The following FAM78A variants were observed in gnomAD, a reference collection of about 807,000 sequenced individuals.
The protein encoded by FAM78A is family with sequence similarity 78 member A, also known as protein FAM78A.
A neutral mutation model predicts 22.6 loss-of-function variants in FAM78A; 12 were observed. The observed-to-expected ratio is 0.53, with a 90% CI of 0.34 to 0.86. The LOEUF is 0.86. Ranked by LOEUF, FAM78A falls within the 40% of genes least tolerant of loss-of-function variation. The pLI, the probability that FAM78A is intolerant of heterozygous loss-of-function variation, is 0.02. For missense variants in FAM78A, 322 were observed against 396.1 expected (o/e 0.81, Z 1.59); for synonymous variants, 151 against 155.8 (o/e 0.97, Z 0.23).
At position 131,260,507 on chromosome 9, in the gene FAM78A, A is replaced by T. The variant is rs1835249121; in HGVS notation, c.*315T>A. ...CCCAAAAGAGGAGTTTTTTTAAAAA[A>T]CGGAAAAAGCAGTGTTTCAGGGAAT... On this transcript the variant is annotated 3_prime_UTR_variant, in exon 2 of 2. Transcript: ENST00000372271. The surrounding 1 kb of genome is among the most constrained non-coding windows in gnomAD (Gnocchi z 5.4). 2 of 241,510 alleles carry T rather than the reference A, an allele frequency of 8.3e-6. No homozygotes were observed. The highest frequency in any genetic ancestry group is 1.6e-5 in the Non-Finnish European group (2 of 126,384). The allele number at this position is 241,510 out of a possible 1,614,324, so 15.0% of individuals were successfully genotyped here. A position where few individuals can be genotyped will look rare whatever the true frequency, so the allele number is the denominator to read the frequency against.
At position 131,261,110 on chromosome 9, in the gene FAM78A, G is replaced by A. The variant is rs768623358; in HGVS notation, c.564C>T (p.Ser188=). 38 of 1,614,070 alleles carry A rather than the reference G, an allele frequency of 2.4e-5. No homozygotes were observed. Among genetic ancestry groups the A allele is most frequent in the Non-Finnish European group, 3.1e-5 (37 of 1,180,018 alleles). The change falls in exon 2 of 2, where the codon AGC becomes AGT. Residue 188 remains serine, a synonymous_variant. Coordinates refer to ENST00000372271, the MANE Select transcript of FAM78A (RefSeq NM_033387.4). This position sits in a 1 kb window ranked among gnomAD's most constrained non-coding sequence, Gnocchi z 7.1. Reference sequence around the variant, plus strand: ...TGGTGGCCACCAGCCAGGTGGTGAAGCTCTGGTCCCGGTAGATATTGGTGA... The same window carrying A: ...TGGTGGCCACCAGCCAGGTGGTGAAACTCTGGTCCCGGTAGATATTGGTGA... ...AKLTNIYRDQ[S]FTTWLVATNT...
rs1223895831 is a variant in FAM78A at position 131,260,643 on chromosome 9, T to G, written c.*179A>C. On this transcript the variant is annotated 3_prime_UTR_variant, in exon 2 of 2. Transcript: ENST00000372271. The surrounding 1 kb of genome is among the most constrained non-coding windows in gnomAD (Gnocchi z 5.4). ...GTCCTGCTTAGATCTCCCCTCTCCC[T>G]GAAAGGAAGCAGGTGCCGAGAGCCG... 2 of 642,336 alleles carry G rather than the reference T, an allele frequency of 3.1e-6. No homozygotes were observed. Among genetic ancestry groups the G allele is most frequent in the East Asian group, 6.1e-5 (2 of 32,774 alleles). 39.8% of individuals were successfully genotyped at this position (642,336 alleles called of 1,614,324 possible).
intron 1 of FAM78A, among the ~76,000 whole-genome samples, chr9:131,273,196 C>T (rs890903972): frequency 3.9e-5 from 6 of 152,216 alleles, no homozygotes; most frequent in African/African-American, 9.7e-5. Context: ...ACTGGCCTCT[C>T]GCTGAATCCT....
At chr9:131,281,024 G>C (rs1835539635), upstream of FAM78A, among the ~76,000 whole-genome samples, 1 of 152,164 alleles carries the variant, frequency 6.6e-6, no homozygotes, top group African/African-American at 2.4e-5. Context: ...GCTCTCACCA[G>C]CATTCCTTGC....
At chr9:131,270,792 T>G (rs535262278) in intron 1 of FAM78A, among the ~76,000 whole-genome samples, 2 of 152,318 alleles carry the variant, frequency 1.3e-5, no homozygotes, top group South Asian at 4.1e-4. Context: ...CCAGATCTGC[T>G]GGCGCTGAGC....
intron 1 of FAM78A, chr9:131,264,455 G>A: frequency 1.6e-6 from 1 of 640,892 alleles, no homozygotes; most frequent in Non-Finnish European, 2.9e-6. Context: ...TCCACTGTCA[G>A]CCCCAGCTAC....
At position 131,275,428 on chromosome 9, in the gene FAM78A, T is replaced by C. The variant is rs1043918422; in HGVS notation, c.323+429A>G. ...GCCCTGAACACACCGGTCTGGGAGT[T>C]GCAGAGTGCCTGAATGTCTGCCATG... On this transcript the variant is annotated intron_variant, in intron 1 of 1. Coordinates refer to ENST00000372271, the MANE Select transcript of FAM78A (RefSeq NM_033387.4). The surrounding 1 kb of genome is among the most constrained non-coding windows in gnomAD (Gnocchi z 4.6). 6.6e-6 allele frequency among the ~76,000 whole-genome samples: 1 copy of C among 152,244 alleles called. No individual in the cohort carries two copies. The highest frequency in any genetic ancestry group is 2.4e-5 in the African/African-American group (1 of 41,472).
chr9:131,264,520 C>T (rs1007523936), intron 1 of FAM78A: 17 of 710,182 alleles, frequency 2.4e-5, no homozygotes, highest in Non-Finnish European at 4.2e-5. Flanking sequence ...TTCAGCAGCC[C>T]ACAGACAATC....
rs544181650 is a variant in FAM78A, at chr9:131,274,252, G to A, written c.323+1605C>T. On this transcript the variant is annotated intron_variant, in intron 1 of 1. Coordinates refer to ENST00000372271, the MANE Select transcript of FAM78A (RefSeq NM_033387.4). This position sits in a 1 kb window ranked among gnomAD's most constrained non-coding sequence, Gnocchi z 4.2. The stretch of plus-strand genomic sequence containing the variant: ...GAGTGCTCATGTCTTTCCAAGTTCA[G>A]AAGAACCCACTGGCTTCCTTACCCC... Among the ~76,000 whole-genome samples the A allele has an allele frequency of 1.3e-5, 2 of 152,334 alleles. No individual in the cohort carries two copies. The highest frequency in any genetic ancestry group is 3.9e-4 in the East Asian group (2 of 5,188).
In FAM78A at chr9:131,269,675, C is replaced by T. The variant is rs544065074; in HGVS notation, c.323+6182G>A. 7.2e-5 allele frequency among the ~76,000 whole-genome samples: 11 copies of T among 152,196 alleles called. No homozygotes were observed. The South Asian group carries it at 2.3e-3, about 32-fold the overall frequency. On this transcript the variant is annotated intron_variant, in intron 1 of 1. Transcript: ENST00000372271. ...TATTTTTAGTAGAGACAGGGTTTCG[C>T]CATGTTGGCCAGGCTGGTCTCGAAC...
rs1314769647 is a variant in FAM78A at position 131,274,061 on chromosome 9, T to A, written c.323+1796A>T. 2.0e-5 allele frequency among the ~76,000 whole-genome samples: 3 copies of A among 152,210 alleles called. No individual in the cohort carries two copies. Among genetic ancestry groups the A allele is most frequent in the East Asian group, 1.9e-4 (1 of 5,200 alleles). On this transcript the variant is annotated intron_variant, in intron 1 of 1. Coordinates refer to ENST00000372271, the MANE Select transcript of FAM78A (RefSeq NM_033387.4). This position sits in a 1 kb window ranked among gnomAD's most constrained non-coding sequence, Gnocchi z 4.2. Reference sequence around the variant, plus strand: ...AGTCTCAGGCCTAGCTCCAGCCACATCACCCACACCTACTCAGGGTCACCA... The same window carrying A: ...AGTCTCAGGCCTAGCTCCAGCCACAACACCCACACCTACTCAGGGTCACCA...
upstream of FAM78A, among the ~76,000 whole-genome samples, chr9:131,280,966 G>T (rs11244353): frequency 0.43 from 64,590 of 151,914 alleles, 13,972 homozygotes; most frequent in East Asian, 0.52. Context: ...TGGAACCAGG[G>T]GGCCTGGCTC....
chr9:131,262,476 CA>C (rs113855141), intron 1 of FAM78A, among the ~76,000 whole-genome samples: 22,156 of 105,494 alleles, frequency 0.21, 2,340 homozygotes, highest in African/African-American at 0.39. Flanking sequence ...ACTCTGTCTG[CA>C]AAAAAAAAAA....
At chr9:131,262,114 T>C (rs1213186420) in intron 1 of FAM78A, among the ~76,000 whole-genome samples, 1 of 150,846 alleles carries the variant, frequency 6.6e-6, no homozygotes, top group African/African-American at 2.4e-5. Context: ...GATCATGAGG[T>C]CAGGAGTTTG....
Position 131,260,867 on chromosome 9 carries a change from G to A in FAM78A, c.807C>T (p.Pro269=). The A allele has an allele frequency of 6.5e-7, 1 of 1,531,364 alleles. No homozygotes were observed. Among genetic ancestry groups the A allele is most frequent in the Non-Finnish European group, 8.8e-7 (1 of 1,138,478 alleles). 94.9% of individuals were successfully genotyped at this position (1,531,364 alleles called of 1,614,324 possible). Reference sequence around the variant, plus strand: ...TCACCACCAGCGGCTGCCCGTACTTGGGCCGCCACATGAGGACCTGGGCAT... The same window carrying A: ...TCACCACCAGCGGCTGCCCGTACTTAGGCCGCCACATGAGGACCTGGGCAT... The part of the protein sequence containing the change: ...ANDAQVLMWR[P]KYGQPLVVIP... Residue 269 remains proline, a synonymous_variant, in exon 2 of 2, where the codon CCC becomes CCT. Transcript: ENST00000372271. The surrounding 1 kb of genome is among the most constrained non-coding windows in gnomAD (Gnocchi z 5.4).
intron 1 of FAM78A, among the ~76,000 whole-genome samples, chr9:131,267,983 C>T (rs1429247860): frequency 6.8e-5 from 10 of 147,756 alleles, no homozygotes; most frequent in East Asian, 2.0e-4. Context: ...ACCCGGGAGG[C>T]GGAGCTTGCA....
chr9:131,267,724 C>T (rs1299432081), intron 1 of FAM78A, among the ~76,000 whole-genome samples: 2 of 152,146 alleles, frequency 1.3e-5, no homozygotes, highest in Non-Finnish European at 2.9e-5. Context: ...ACATTGGGCA[C>T]CTTAAGAAAC....
rs567612817 is a variant in FAM78A, at chr9:131,272,618, C to T, written c.323+3239G>A. 1.5e-4 allele frequency among the ~76,000 whole-genome samples: 23 copies of T among 152,304 alleles called. No homozygotes were observed. The highest frequency in any genetic ancestry group is 5.5e-4 in the African/African-American group (23 of 41,564). ...GGAAAATGGAAGTCATCACAGGAGG[C>T]CTGGGGCAGGGGAGACAGGAAGGGG... On this transcript the variant is annotated intron_variant, in intron 1 of 1. Transcript: ENST00000372271. This position sits in a 1 kb window ranked among gnomAD's most constrained non-coding sequence, Gnocchi z 4.1.
rs1835222180 is a variant in FAM78A, at chr9:131,258,837, G to T, written c.*1985C>A. 2 of 152,272 alleles carry T rather than the reference G, an allele frequency of 1.3e-5. No individual in the cohort carries two copies. Among genetic ancestry groups the T allele is most frequent in the South Asian group, 4.1e-4 (2 of 4,832 alleles). The allele number at this position is 152,272 out of a possible 1,614,324, so 9.4% of individuals were successfully genotyped here. A position where few individuals can be genotyped will look rare whatever the true frequency, so the allele number is the denominator to read the frequency against. On this transcript the variant is annotated 3_prime_UTR_variant, in exon 2 of 2. Transcript: ENST00000372271. ...TGGCACGGCCTCCATCCTCACAAGA[G>T]AACCTGCAGTTTCTGCGGGGAGGTC...
Sources: allele counts gnomAD v4.1 joint callset (sites outside exome capture counted in the v4.1 genomes callset), GRCh38; gene constraint gnomAD v4.1.1; non-coding constraint Gnocchi (gnomAD v3.1); transcripts MANE v1.5; gene names NCBI Gene and HGNC (gene_info 2026-07-23, HGNC 2026-07-21).